The following CERS6 variants were observed in gnomAD, a reference collection of about 807,000 sequenced individuals.
The protein encoded by CERS6 is LAG1 homolog, ceramide synthase 6.
Under a neutral mutation model 56.8 loss-of-function variants are expected in CERS6, and 26 were observed. The ratio of observed to expected loss-of-function variants is 0.46; its 90% CI spans 0.34 to 0.63. The LOEUF is 0.63. Among genes scored for constraint, CERS6 ranks in the 30% least tolerant of loss-of-function variants. The pLI is 0.01. For missense variants in CERS6, 415 were observed against 467.5 expected (o/e 0.89, Z 1.04); for synonymous variants, 164 against 173.3 (o/e 0.95, Z 0.42).
At chr2:168,739,160 C>T (rs1204467250) in intron 8 of CERS6, among the ~76,000 whole-genome samples, 6 of 149,842 alleles carry the variant, frequency 4.0e-5, no homozygotes, top group Admixed American at 6.7e-5. Context: ...CCGCCTGCCT[C>T]GGCCTCCCAA....
intron 6 of CERS6, among the ~76,000 whole-genome samples, chr2:168,704,591 C>G (rs1259845050): frequency 6.6e-6 from 1 of 152,168 alleles, no homozygotes; most frequent in Non-Finnish European, 1.5e-5. Flanking sequence ...AAGGCTCACC[C>G]TTGCACCTTT....
intron 3 of CERS6, among the ~76,000 whole-genome samples, chr2:168,596,812 G>A (rs150404621): frequency 6.6e-6 from 1 of 152,210 alleles, no homozygotes; most frequent in East Asian, 1.9e-4. Context: ...AATTACAGGT[G>A]TGAACCACCA....
At chr2:168,670,361 T>G (rs1216467933) in intron 4 of CERS6, among the ~76,000 whole-genome samples, 1 of 152,120 alleles carries the variant, frequency 6.6e-6, no homozygotes, top group Non-Finnish European at 1.5e-5. Context: ...TCACATCCCC[T>G]TCCCCCACCA....
intron 3 of CERS6, among the ~76,000 whole-genome samples, chr2:168,603,825 C>T (rs1272115113): frequency 6.6e-6 from 1 of 152,198 alleles, no homozygotes; most frequent in Non-Finnish European, 1.5e-5. Flanking sequence ...CCCCTTGGTC[C>T]TAAAGCCAGG....
At chr2:168,677,000 TTTTTTTTTTTTTTGGAGA>T (rs1376589517) in intron 4 of CERS6, among the ~76,000 whole-genome samples, 1 of 130,648 alleles carries the variant, frequency 7.7e-6, no homozygotes, top group African/African-American at 3.0e-5. Context: ...TTTTTGGGGC[TTTTTTTTTTTTTTGGAGA>T]TTTTTTTTTT....
chr2:168,585,885 C>CAAATGTTGCACAACTAGGGAGGG (rs1230429490), intron 3 of CERS6, among the ~76,000 whole-genome samples: 3 of 152,158 alleles, frequency 2.0e-5, no homozygotes, highest in South Asian at 2.1e-4. Context: ...TCTTTAAGTT[C>CAAATGTTGCACAACTAGGGAGGG]AAATGTTGCA....
chr2:168,576,417 G>A (rs1343105561), intron 3 of CERS6, among the ~76,000 whole-genome samples: 3 of 152,106 alleles, frequency 2.0e-5, no homozygotes, highest in Non-Finnish European at 1.5e-5. Flanking sequence ...ATGCCCAGCG[G>A]TCTTGTAAGT....
intron 1 of CERS6, among the ~76,000 whole-genome samples, chr2:168,471,158 C>T (rs1448096689): frequency 6.6e-6 from 1 of 152,190 alleles, no homozygotes; most frequent in Non-Finnish European, 1.5e-5. Flanking sequence ...TTGCCTAGTG[C>T]TTTCACATCT....
At chr2:168,524,288 T>C (rs1049776843) in intron 1 of CERS6, among the ~76,000 whole-genome samples, 2 of 152,230 alleles carry the variant, frequency 1.3e-5, no homozygotes, top group African/African-American at 4.8e-5. Context: ...TACATTAGTT[T>C]CATTTTGAAT....
At chr2:168,656,674 G>A (rs1344560991) in intron 4 of CERS6, among the ~76,000 whole-genome samples, 1 of 152,172 alleles carries the variant, frequency 6.6e-6, no homozygotes, top group African/African-American at 2.4e-5. Flanking sequence ...TGGACCCAAA[G>A]AGTGAGCAGT....
intron 4 of CERS6, among the ~76,000 whole-genome samples, chr2:168,654,995 C>T (rs930678570): frequency 2.0e-4 from 31 of 152,056 alleles, no homozygotes; most frequent in Admixed American, 2.0e-3. Context: ...CAGTCATGCA[C>T]AAAAGCCTTT....
At chr2:168,498,582 T>G (rs747696512) in intron 1 of CERS6, among the ~76,000 whole-genome samples, 1 of 152,220 alleles carries the variant, frequency 6.6e-6, no homozygotes, top group African/African-American at 2.4e-5. Context: ...GTATGCAACA[T>G]GTGTCCCACG....
chr2:168,738,637 G>A (rs1348172330), intron 8 of CERS6, among the ~76,000 whole-genome samples: 1 of 152,148 alleles, frequency 6.6e-6, no homozygotes, highest in East Asian at 1.9e-4. Flanking sequence ...ATAACTTGGA[G>A]TTTGCATCAC....
intron 8 of CERS6, among the ~76,000 whole-genome samples, chr2:168,758,412 G>T (rs1377333274): frequency 6.6e-6 from 1 of 152,198 alleles, no homozygotes; most frequent in East Asian, 1.9e-4. Flanking sequence ...TTTGACTTGG[G>T]TCTAATTATT....
At chr2:168,601,406 G>T (rs1033376058) in intron 3 of CERS6, among the ~76,000 whole-genome samples, 1 of 152,128 alleles carries the variant, frequency 6.6e-6, no homozygotes, top group African/African-American at 2.4e-5. Context: ...TCTGCTGGTT[G>T]TTTGTGGACC....
chr2:168,476,020 A>T (rs1694062790), intron 1 of CERS6, among the ~76,000 whole-genome samples: 1 of 152,258 alleles, frequency 6.6e-6, no homozygotes, highest in African/African-American at 2.4e-5. Flanking sequence ...GAAATAAATG[A>T]TCACAATAGA....
chr2:168,547,920 A>G (rs1403558495), intron 2 of CERS6, among the ~76,000 whole-genome samples: 1 of 152,196 alleles, frequency 6.6e-6, no homozygotes, highest in Non-Finnish European at 1.5e-5. Flanking sequence ...TTAGTAGCTC[A>G]CCTGAGAATA....
intron 4 of CERS6, among the ~76,000 whole-genome samples, chr2:168,658,794 G>A (rs542741656): frequency 2.0e-5 from 3 of 152,300 alleles, no homozygotes; most frequent in Admixed American, 1.3e-4. Context: ...ATGTGATGGG[G>A]CCATCATTTG....
intron 8 of CERS6, among the ~76,000 whole-genome samples, chr2:168,757,493 T>A (rs1004915566): frequency 7.9e-5 from 12 of 152,220 alleles, no homozygotes; most frequent in African/African-American, 2.9e-4. Flanking sequence ...CATGTCCTGT[T>A]GGCTAAGAAT....
Sources: allele counts gnomAD v4.1 joint callset (sites outside exome capture counted in the v4.1 genomes callset), GRCh38; gene constraint gnomAD v4.1.1; transcripts MANE v1.5; gene names NCBI Gene and HGNC (gene_info 2026-07-23, HGNC 2026-07-21).